NKAIN2: variants seen among roughly 807,000 people sequenced by gnomAD.
NKAIN2 encodes the protein sodium/potassium transporting ATPase interacting 2, also known as sodium/potassium-transporting ATPase subunit beta-1-interacting protein 2.
NKAIN2 carries 14 observed loss-of-function variants against 32.6 expected under a neutral mutation model. The observed-to-expected ratio is 0.43, with a 90% CI of 0.28 to 0.67. The LOEUF (loss-of-function observed/expected upper bound fraction) is 0.67, where lower values mean the gene tolerates loss of function less well. Ranked by LOEUF, NKAIN2 falls within the 30% of genes least tolerant of loss-of-function variation. NKAIN2 has a pLI of 0.17. For missense variants in NKAIN2, 198 were observed against 258.3 expected (o/e 0.77, Z 1.60); for synonymous variants, 80 against 87.2 (o/e 0.92, Z 0.46).
chr6:124,468,072 AT>A (rs1776832914), intron 3 of NKAIN2, among the ~76,000 whole-genome samples: 1 of 152,122 alleles, frequency 6.6e-6, no homozygotes, highest in African/African-American at 2.4e-5. Context: ...GATAAATATA[AT>A]TTTTAATGTT....
chr6:124,259,041 T>C (rs940022527), intron 1 of NKAIN2, among the ~76,000 whole-genome samples: 14 of 152,168 alleles, frequency 9.2e-5, no homozygotes, highest in African/African-American at 3.4e-4. Context: ...AGCCCATCTA[T>C]ATAAATGTTG....
intron 1 of NKAIN2, among the ~76,000 whole-genome samples, chr6:123,953,106 C>T (rs561701873): frequency 1.9e-4 from 29 of 152,214 alleles, no homozygotes; most frequent in African/African-American, 6.5e-4. Context: ...TGGGTGCATG[C>T]AGTAGTGTAG....
intron 4 of NKAIN2, among the ~76,000 whole-genome samples, chr6:124,772,026 C>A (rs1002594624): frequency 6.6e-6 from 1 of 152,054 alleles, no homozygotes; most frequent in Admixed American, 6.5e-5. Flanking sequence ...TTTGAAAATG[C>A]CACATATGCC....
intron 1 of NKAIN2, among the ~76,000 whole-genome samples, chr6:123,812,897 A>G (rs77316007): frequency 0.021 from 3,199 of 152,346 alleles, 94 homozygotes; most frequent in African/African-American, 0.073. Context: ...CCTACTCTTA[A>G]CAGAAGTCTT....
chr6:124,370,368 G>C (rs1251101524), intron 3 of NKAIN2, among the ~76,000 whole-genome samples: 2 of 152,072 alleles, frequency 1.3e-5, no homozygotes, highest in East Asian at 3.9e-4. Context: ...TATACAGCCT[G>C]ATGCAATCAG....
chr6:124,020,648 A>G (rs1269336191), intron 1 of NKAIN2, among the ~76,000 whole-genome samples: 1 of 152,274 alleles, frequency 6.6e-6, no homozygotes, highest in East Asian at 1.9e-4. Context: ...ATAAAATTTA[A>G]AAACTCATCT....
rs202224086 is a variant in NKAIN2, at chr6:124,545,061, TA to T, written c.274-113123del. 9.8e-5 allele frequency among the ~76,000 whole-genome samples: 15 copies of T among 152,328 alleles called. No homozygotes were observed. The East Asian group carries it at 2.3e-3, about 24-fold the overall frequency. On this transcript the variant is annotated intron_variant, in intron 3 of 6. Transcript: ENST00000368417. ...AAACTCTTTTCTTATTAGGAAACCG[TA>T]AGGCCTCACTTCATTTAAAGGGAGA... is the stretch of plus-strand genomic sequence containing the variant.
At chr6:124,245,883 G>C (rs530385711) in intron 1 of NKAIN2, among the ~76,000 whole-genome samples, 1 of 152,042 alleles carries the variant, frequency 6.6e-6, no homozygotes, top group Non-Finnish European at 1.5e-5. Context: ...GACATGATAC[G>C]CATAAGTTGC....
At chr6:124,498,672 T>C (rs1778163834) in intron 3 of NKAIN2, among the ~76,000 whole-genome samples, 1 of 152,160 alleles carries the variant, frequency 6.6e-6, no homozygotes, top group South Asian at 2.1e-4. Context: ...AGAAAATGTG[T>C]CTTCTTGGTG....
chr6:124,822,052 C>G (rs140566896), intron 6 of NKAIN2, among the ~76,000 whole-genome samples: 1 of 152,326 alleles, frequency 6.6e-6, no homozygotes, highest in Non-Finnish European at 1.5e-5. Context: ...TTAACACTAA[C>G]TTAGCTGCCA....
In NKAIN2 at chr6:124,139,771, A is replaced by G. The variant is rs1009185782; in HGVS notation, c.55-143234A>G. ...TCATTTTCATGTCATTCTTCCTTAA[A>G]TAGGCTGAAGAATACAAGCAAACAG... On this transcript the variant is annotated intron_variant, in intron 1 of 6. Coordinates refer to ENST00000368417, the MANE Select transcript of NKAIN2 (RefSeq NM_001040214.3). 7.2e-5 allele frequency among the ~76,000 whole-genome samples: 11 copies of G among 152,180 alleles called. 1 individual carries two copies. Among genetic ancestry groups the G allele is most frequent in the African/African-American group, 2.7e-4 (11 of 41,452 alleles).
chr6:124,443,749 C>G (rs1775784800), intron 3 of NKAIN2, among the ~76,000 whole-genome samples: 2 of 152,084 alleles, frequency 1.3e-5, no homozygotes, highest in Admixed American at 1.3e-4. Context: ...AAATTTGTAA[C>G]TATAAAGTAT....
chr6:124,502,488 A>G (rs1778331011), intron 3 of NKAIN2, among the ~76,000 whole-genome samples: 1 of 152,186 alleles, frequency 6.6e-6, no homozygotes, highest in Non-Finnish European at 1.5e-5. Flanking sequence ...ATATATGTAT[A>G]TGCAAATCTC....
chr6:124,012,301 C>T (rs1248842953), intron 1 of NKAIN2, among the ~76,000 whole-genome samples: 1 of 147,398 alleles, frequency 6.8e-6, no homozygotes. Context: ...TAGAAGCACT[C>T]TTTATTTTGC....
Position 124,136,774 on chromosome 6 carries a change from G to A in NKAIN2, c.55-146231G>A, listed in dbSNP as rs534719684. 1.1e-4 allele frequency among the ~76,000 whole-genome samples: 17 copies of A among 152,246 alleles called. No homozygotes were observed. In the South Asian group the frequency reaches 3.5e-3, roughly 32 times the overall value. Reference sequence around the variant, plus strand: ...CAAAAATCATGTGGTCATCTCAATAGATGTAGAGAAAGTATTTGACAAAAT... The same window carrying A: ...CAAAAATCATGTGGTCATCTCAATAAATGTAGAGAAAGTATTTGACAAAAT... On this transcript the variant is annotated intron_variant, in intron 1 of 6. Coordinates refer to ENST00000368417, the MANE Select transcript of NKAIN2 (RefSeq NM_001040214.3).
At chr6:124,382,526 T>TA (rs979373349) in intron 3 of NKAIN2, among the ~76,000 whole-genome samples, 12 of 152,132 alleles carry the variant, frequency 7.9e-5, no homozygotes, top group African/African-American at 2.9e-4. Context: ...AGCTACACAA[T>TA]ATTGGGGTAG....
intron 1 of NKAIN2, among the ~76,000 whole-genome samples, chr6:124,231,154 A>G (rs802304): frequency 0.79 from 119,950 of 152,142 alleles, 47,455 homozygotes; most frequent in South Asian, 0.86. Context: ...GAGCTTTAAG[A>G]TTTAATGGCC....
intron 3 of NKAIN2, among the ~76,000 whole-genome samples, chr6:124,452,087 C>T (rs1263984967): frequency 6.6e-6 from 1 of 151,456 alleles, no homozygotes; most frequent in Non-Finnish European, 1.5e-5. Flanking sequence ...CCCAGCCGCT[C>T]AGGAGGCTGA....
intron 1 of NKAIN2, among the ~76,000 whole-genome samples, chr6:124,182,236 C>T (rs1270045955): frequency 1.3e-5 from 2 of 152,156 alleles, no homozygotes; most frequent in East Asian, 3.9e-4. Flanking sequence ...GATTCAGTTA[C>T]CTCCCACTGA....
Sources: allele counts gnomAD v4.1 joint callset (sites outside exome capture counted in the v4.1 genomes callset), GRCh38; gene constraint gnomAD v4.1.1; transcripts MANE v1.5; gene names NCBI Gene and HGNC (gene_info 2026-07-23, HGNC 2026-07-21).